Variants in ATP6V0D1 observed in about 807,000 individuals in gnomAD.
ATP6V0D1 encodes ATPase H+ transporting V0 subunit d1.
ATP6V0D1 carries 13 observed loss-of-function variants against 39.0 expected under a neutral mutation model. The ratio of observed to expected loss-of-function variants is 0.33; its 90% CI spans 0.22 to 0.53. ATP6V0D1 has a LOEUF of 0.53. ATP6V0D1 is among the 20% of genes least tolerant of loss of function. The pLI is 0.94. For missense variants in ATP6V0D1, 272 were observed against 470.9 expected, an observed-to-expected ratio of 0.58 and a Z score of 3.91; for synonymous variants, 191 against 191.2, an observed-to-expected ratio of 1.00 and a Z score of 0.01.
intron 2 of ATP6V0D1, chr16:67,446,010 C>A (rs2041110641): frequency 2.2e-6 from 1 of 453,862 alleles, no homozygotes; most frequent in Non-Finnish European, 4.4e-6. Flanking sequence ...CTGAGCTGGG[C>A]ACTGAACACG....
At chr16:67,445,238 C>T (rs529555463) in intron 2 of ATP6V0D1, among the ~76,000 whole-genome samples, 2 of 152,220 alleles carry the variant, frequency 1.3e-5, no homozygotes, top group South Asian at 2.1e-4. Flanking sequence ...GCCGGCAGCA[C>T]GGGGCTGCAG....
chr16:67,442,509 T>A (rs1301565713), intron 4 of ATP6V0D1, among the ~76,000 whole-genome samples: 1 of 152,020 alleles, frequency 6.6e-6, no homozygotes, highest in African/African-American at 2.4e-5. Context: ...CCCCTGGCTC[T>A]TTAATCTCTT....
At position 67,438,408 on chromosome 16, in the gene ATP6V0D1, C is replaced by T. The variant is rs542032086; in HGVS notation, c.*120G>A. 4 of 1,249,972 alleles carry T rather than the reference C, an allele frequency of 3.2e-6. No homozygotes were observed. The highest frequency in any genetic ancestry group is 3.0e-5 in the African/African-American group (2 of 67,290). The allele number at this position is 1,249,972 out of a possible 1,614,324, so 77.4% of individuals were successfully genotyped here. A position where few individuals can be genotyped will look rare whatever the true frequency, so the allele number is the denominator to read the frequency against. On this transcript the variant is annotated 3_prime_UTR_variant, in exon 8 of 8. Transcript: ENST00000290949. ...GCAGCCGCTAGGACAGCGTACTACA[C>T]CCCGGACAGGCAGGTGAGCCACAGG...
chr16:67,465,941 C>T (rs2041325480), intron 1 of ATP6V0D1, among the ~76,000 whole-genome samples: 1 of 152,160 alleles, frequency 6.6e-6, no homozygotes, highest in African/African-American at 2.4e-5. Context: ...TCCAGCCACA[C>T]CTCCCTCCCC....
In ATP6V0D1 at chr16:67,438,357, G is replaced by A; in HGVS notation, c.*171C>T. The A allele has an allele frequency of 2.6e-6, 2 of 782,368 alleles. No individual in the cohort carries two copies. Among genetic ancestry groups the A allele is most frequent in the Non-Finnish European group, 4.0e-6 (2 of 500,730 alleles). The allele number at this position is 782,368 out of a possible 1,614,324, so 48.5% of individuals were successfully genotyped here. The stretch of plus-strand genomic sequence containing the variant: ...CAGCCCCTTTTCAGGCCTAAGAACA[G>A]TCTCTAAGAGGGTCAGGAGAACTGG... On this transcript the variant is annotated 3_prime_UTR_variant, in exon 8 of 8. Coordinates refer to ENST00000290949, the MANE Select transcript of ATP6V0D1 (RefSeq NM_004691.5).
chr16:67,470,511 G>A (rs756840147), intron 1 of ATP6V0D1, among the ~76,000 whole-genome samples: 60 of 152,216 alleles, frequency 3.9e-4, no homozygotes, highest in Non-Finnish European at 6.9e-4. Flanking sequence ...TTGGCCCACA[G>A]TTAAGGCTGC....
intron 1 of ATP6V0D1, among the ~76,000 whole-genome samples, chr16:67,467,153 G>A (rs767298996): frequency 6.6e-5 from 10 of 152,098 alleles, no homozygotes; most frequent in Middle Eastern, 3.2e-3. Context: ...GGGTTGGGGG[G>A]TGGGAGACTT....
chr16:67,480,913 G>T, intron 1 of ATP6V0D1, 44 bp downstream of exon 1: 1 of 1,609,206 alleles, frequency 6.2e-7, no homozygotes, highest in Non-Finnish European at 8.5e-7. Context: ...GAACCCTCAG[G>T]CCCCGGACAG....
At position 67,438,636 on chromosome 16, in the gene ATP6V0D1, A is replaced by G; in HGVS notation, c.948T>C (p.Tyr316=). Residue 316 remains tyrosine, a synonymous_variant, in exon 8 of 8, where the codon TAT becomes TAC. Transcript: ENST00000290949. ...CCTGCTCCTTGAGCTTCACGAAGGC[A>G]TAGAAGACACCAAAGTGGAACTGGT... ...FLNQFHFGVF[Y]AFVKLKEQEC... 2.5e-6 allele frequency: 4 copies of G among 1,614,236 alleles called. No individual in the cohort carries two copies. Among genetic ancestry groups the G allele is most frequent in the Non-Finnish European group, 3.4e-6 (4 of 1,180,038 alleles).
intron 2 of ATP6V0D1, among the ~76,000 whole-genome samples, chr16:67,448,539 A>G (rs2041142641): frequency 6.6e-6 from 1 of 151,828 alleles, no homozygotes; most frequent in Admixed American, 6.6e-5. Flanking sequence ...GCACACCTGT[A>G]ATCCCAGCTG....
chr16:67,471,610 T>C (rs1482521674), intron 1 of ATP6V0D1, among the ~76,000 whole-genome samples: 1 of 152,162 alleles, frequency 6.6e-6, no homozygotes, highest in Non-Finnish European at 1.5e-5. Flanking sequence ...CCTATCTAGC[T>C]GTAATTTTAT....
chr16:67,439,126 A>G lies in ATP6V0D1; in HGVS notation c.661T>C (p.Phe221Leu). The G allele has an allele frequency of 6.2e-7, 1 of 1,614,152 alleles. No individual in the cohort carries two copies. Among genetic ancestry groups the G allele is most frequent in the East Asian group, 2.2e-5 (1 of 44,882 alleles). ...ILEFEADRRAFIITINSFGTE... is the reference protein window; with the variant it reads ...ILEFEADRRALIITINSFGTE... Reference sequence around the variant, plus strand: ...CCGAAAGAATTGATGGTGATGATGAAGGCGCGGCGGTCTGCTTCAAACTGT... The same window carrying G: ...CCGAAAGAATTGATGGTGATGATGAGGGCGCGGCGGTCTGCTTCAAACTGT... The change falls in exon 6 of 8, where the codon TTC (phenylalanine) becomes CTC (leucine). Residue 221 changes from phenylalanine to leucine, a missense_variant. By Grantham distance (22) the Phe-to-Leu change is conservative. Around this residue, in one of 4 missense-constraint regions of ATP6V0D1, gnomAD observed 135 missense variants for 273.8 expected, o/e 0.49. Transcript: ENST00000290949.
intron 4 of ATP6V0D1, chr16:67,439,608 A>G (rs2041023760): frequency 7.2e-6 from 4 of 553,426 alleles, no homozygotes; most frequent in Non-Finnish European, 1.3e-5. Context: ...TTCAGGCTAC[A>G]GTCTCCTTCA....
chr16:67,456,923 G>A lies in ATP6V0D1; in HGVS notation c.131-3208C>T, dbSNP rs889414. 0.094 allele frequency: 14,254 copies of A among 152,436 alleles called. 1,145 individuals are homozygous for A. The highest frequency in any genetic ancestry group is 0.22 in the African/African-American group (9,207 of 41,496). 9.4% of individuals were successfully genotyped at this position (152,436 alleles called of 1,614,324 possible). On this transcript the variant is annotated intron_variant, in intron 1 of 7. Coordinates refer to ENST00000290949, the MANE Select transcript of ATP6V0D1 (RefSeq NM_004691.5). The surrounding 1 kb of genome is among the most constrained non-coding windows in gnomAD (Gnocchi z 4.1). ...GCACAAGCTGCTGGGAGGCTTCCCC[G>A]AGTGAGCTGTCACCTCCTACTCAGG...
chr16:67,447,114 G>A lies in ATP6V0D1; in HGVS notation c.303-2408C>T, dbSNP rs578230742. 1.5e-4 allele frequency among the ~76,000 whole-genome samples: 23 copies of A among 152,230 alleles called. No homozygotes were observed. The highest frequency in any genetic ancestry group is 4.1e-4 in the South Asian group (2 of 4,826). ...CCCCTCCTTGCGCCCCCCACTCAGG[G>A]CATCTGTTTATGTGGGGGAAATGCT... On this transcript the variant is annotated intron_variant, in intron 2 of 7. Transcript: ENST00000290949. The surrounding 1 kb of genome is among the most constrained non-coding windows in gnomAD (Gnocchi z 4.1).
intron 2 of ATP6V0D1, among the ~76,000 whole-genome samples, chr16:67,446,871 C>G (rs1190686570): frequency 6.6e-6 from 1 of 152,142 alleles, no homozygotes; most frequent in Non-Finnish European, 1.5e-5. Flanking sequence ...ATCCCACAAC[C>G]ACTAGCATTA....
At chr16:67,452,514 A>T in intron 2 of ATP6V0D1, 1 of 927,538 alleles carries the variant, frequency 1.1e-6, no homozygotes. Flanking sequence ...GGTCCCAAGG[A>T]AAAGAGTGGG....
intron 2 of ATP6V0D1, among the ~76,000 whole-genome samples, chr16:67,445,581 C>T (rs574563723): frequency 4.4e-4 from 67 of 152,322 alleles, no homozygotes; most frequent in African/African-American, 1.5e-3. Context: ...TCACCCAGGA[C>T]GGCCTGGATA....
intron 1 of ATP6V0D1, among the ~76,000 whole-genome samples, chr16:67,466,208 C>T (rs1230885471): frequency 1.3e-5 from 2 of 152,094 alleles, no homozygotes; most frequent in African/African-American, 4.8e-5. Context: ...GGGCCAGGCG[C>T]GGTGGCTCAC....
Sources: allele counts gnomAD v4.1 joint callset (sites outside exome capture counted in the v4.1 genomes callset), GRCh38; gene constraint gnomAD v4.1.1; regional missense constraint gnomAD v4.1.1; non-coding constraint Gnocchi (gnomAD v3.1); transcripts MANE v1.5; gene names NCBI Gene and HGNC (gene_info 2026-07-23, HGNC 2026-07-21).